SHROOM2: variants seen among roughly 807,000 people sequenced by gnomAD.
The protein encoded by SHROOM2 is protein Shroom2.
SHROOM2 carries 33 observed loss-of-function variants against 75.9 expected under a neutral mutation model. The observed-to-expected ratio is 0.43, with a 90% CI of 0.33 to 0.58. The LOEUF (loss-of-function observed/expected upper bound fraction) is 0.58, where lower values mean the gene tolerates loss of function less well. SHROOM2 is among the 20% of genes least tolerant of loss of function. SHROOM2 has a pLI of 0.04. For missense variants in SHROOM2, 1,434 were observed against 1,461.2 expected, an observed-to-expected ratio of 0.98 and a Z score of 0.30; for synonymous variants, 655 against 663.6, an observed-to-expected ratio of 0.99 and a Z score of 0.20.
intron 1 of SHROOM2, among the ~76,000 whole-genome samples, chrX:9,809,168 A>G (rs2083777391): frequency 9.1e-6 from 1 of 109,983 alleles, no homozygotes; most frequent in African/African-American, 3.3e-5. Context: ...GTATTAACTC[A>G]CATGATCACA....
At position 9,944,693 on chromosome X, in the gene SHROOM2, G is replaced by T. The variant is rs1217759175; in HGVS notation, c.4364G>T (p.Arg1455Leu). 1 of 1,209,435 alleles carries T rather than the reference G, an allele frequency of 8.3e-7. No individual in the cohort carries two copies. The part of the protein sequence containing the change: ...SRKLQVLREA[R>L]ESLLEDVQAN... ...AAGCTGCAGGTGCTCCGGGAGGCCC[G>T]CGAGAGCCTGCTGGAGGACGTGCAG... Residue 1455 changes from arginine (R) to leucine (L), a missense_variant, in exon 9 of 10, where the codon CGC becomes CTC. Around this residue, in one of 3 missense-constraint regions of SHROOM2, gnomAD observed 1,340 missense variants for 1,338.3 expected, o/e 1.00. Transcript: ENST00000380913.
rs1379029138 is a variant in SHROOM2, at chrX:9,949,071, G to A, written c.*2134G>A. ...TTCTACACAGCAATACGTCGTGCTCGAGTATCCTTGTAGCAAAGCACATAG... is the reference window on the plus strand; with the variant it reads ...TTCTACACAGCAATACGTCGTGCTCAAGTATCCTTGTAGCAAAGCACATAG... On this transcript the variant is annotated 3_prime_UTR_variant, in exon 10 of 10. Coordinates refer to ENST00000380913, the MANE Select transcript of SHROOM2 (RefSeq NM_001649.4). The A allele has an allele frequency of 4.7e-6, 1 of 211,755 alleles. No individual in the cohort carries two copies. Among genetic ancestry groups the A allele is most frequent in the Non-Finnish European group, 9.1e-6 (1 of 110,214 alleles). 17.5% of individuals were successfully genotyped at this position (211,755 alleles called of 1,213,427 possible).
chrX:9,800,025 C>T (rs949450738), intron 1 of SHROOM2, among the ~76,000 whole-genome samples: 13 of 111,240 alleles, frequency 1.2e-4, no homozygotes, highest in Non-Finnish European at 1.9e-4. Flanking sequence ...TCCCTGATGC[C>T]TTCCTCCCCT....
Position 9,808,407 on chromosome X carries a change from T to C in SHROOM2, c.165+21697T>C, listed in dbSNP as rs755207010. On this transcript the variant is annotated intron_variant, in intron 1 of 9. Transcript: ENST00000380913. ...AAAAAAAAAAAAAAAATTAGCCAGG[T>C]GTGGTGGTGCACACCTATAGTCCCA... Among the ~76,000 whole-genome samples the C allele has an allele frequency of 9.7e-4, 99 of 101,704 alleles. 1 individual carries two copies. The highest frequency in any genetic ancestry group is 3.4e-3 in the African/African-American group (94 of 27,848). The allele number at this position is 101,704 out of a possible 115,157, so 88.3% of individuals were successfully genotyped here.
At chrX:9,847,479 G>A (rs184643169) in intron 1 of SHROOM2, among the ~76,000 whole-genome samples, 27 of 111,977 alleles carry the variant, frequency 2.4e-4, no homozygotes, top group Admixed American at 2.4e-3. Flanking sequence ...TATCAGCTCC[G>A]ACGAATGTAA....
At chrX:9,855,744 G>A (rs1483510536) in intron 1 of SHROOM2, among the ~76,000 whole-genome samples, 1 of 111,759 alleles carries the variant, frequency 8.9e-6, no homozygotes, top group Non-Finnish European at 1.9e-5. Flanking sequence ...ACCATCGGGT[G>A]TGTCAGCCGC....
intron 1 of SHROOM2, among the ~76,000 whole-genome samples, chrX:9,863,974 G>A (rs752022982): frequency 2.0e-3 from 218 of 111,321 alleles, no homozygotes; most frequent in Non-Finnish European, 2.7e-3. Context: ...CCTTCTAGCT[G>A]AAAACTTGGA....
intron 1 of SHROOM2, among the ~76,000 whole-genome samples, chrX:9,833,028 G>A (rs1222324572): frequency 1.8e-5 from 2 of 110,673 alleles, no homozygotes; most frequent in Non-Finnish European, 3.8e-5. Flanking sequence ...CCGGCACAAT[G>A]GAAAGTGCTT....
chrX:9,836,183 G>A (rs1383608206), intron 1 of SHROOM2, among the ~76,000 whole-genome samples: 1 of 112,047 alleles, frequency 8.9e-6, no homozygotes, highest in Non-Finnish European at 1.9e-5. Flanking sequence ...AGTGGGGAGT[G>A]GAAAGGCCCA....
intron 1 of SHROOM2, among the ~76,000 whole-genome samples, chrX:9,806,287 G>T (rs2083751401): frequency 1.8e-5 from 2 of 110,492 alleles, no homozygotes; most frequent in Admixed American, 2.0e-4. Context: ...CATCGCTGGG[G>T]CCCATGAACA....
intron 1 of SHROOM2, among the ~76,000 whole-genome samples, chrX:9,868,343 T>C (rs2084152253): frequency 9.2e-6 from 1 of 109,192 alleles, no homozygotes; most frequent in African/African-American, 3.3e-5. Flanking sequence ...CCTTCCGGGT[T>C]CAAGCGACTC....
chrX:9,817,732 A>G lies in SHROOM2; in HGVS notation c.165+31022A>G, dbSNP rs146338145. Among the ~76,000 whole-genome samples, 321 of 112,352 alleles carry G rather than the reference A, an allele frequency of 2.9e-3. 1 individual carries two copies. The highest frequency in any genetic ancestry group is 0.01 in the African/African-American group (314 of 30,961). On this transcript the variant is annotated intron_variant, in intron 1 of 9. Transcript: ENST00000380913. ...ATTGGAGGGACTAGAGATAAAACTT[A>G]TGTAGTACTATTTCTTAATGGGCTG...
intron 5 of SHROOM2, among the ~76,000 whole-genome samples, chrX:9,903,511 G>T (rs1049135280): frequency 8.9e-6 from 1 of 111,779 alleles, no homozygotes; most frequent in African/African-American, 3.3e-5. Flanking sequence ...GAGAGCCTGC[G>T]GCATGGGTCT....
intron 6 of SHROOM2, among the ~76,000 whole-genome samples, chrX:9,934,245 A>C (rs1484638094): frequency 8.9e-6 from 1 of 111,955 alleles, no homozygotes; most frequent in Non-Finnish European, 1.9e-5. Context: ...CCTGGACAGG[A>C]CAGATAACAG....
chrX:9,891,032 A>AGCCACCCCGAGCTAGCG lies in SHROOM2; in HGVS notation c.377_393dup (p.Ser132ThrfsTer4), dbSNP rs2084288529. 34 of 1,202,850 alleles carry AGCCACCCCGAGCTAGCG rather than the reference A, an allele frequency of 2.8e-5. No individual in the cohort carries two copies. Among genetic ancestry groups the AGCCACCCCGAGCTAGCG allele is most frequent in the Non-Finnish European group, 3.8e-5 (34 of 891,030 alleles). On this transcript the variant is annotated frameshift_variant, in exon 3 of 10. Transcript: ENST00000380913. LOFTEE classifies it high-confidence loss of function. ...CTGGCATGCCACCAAGTTCTCTGAC[A>AGCCACCCCGAGCTAGCG]GCCACCCCGAGCTAGCGGCCTCCCC...
Position 9,900,169 on chromosome X carries a change from T to C in SHROOM2, c.2891+1879T>C, listed in dbSNP as rs150219361. Among the ~76,000 whole-genome samples, 846 of 111,016 alleles carry C rather than the reference T, an allele frequency of 7.6e-3. 7 individuals carry two copies. Among genetic ancestry groups the C allele is most frequent in the African/African-American group, 0.027 (816 of 30,489 alleles). On this transcript the variant is annotated intron_variant, in intron 5 of 9. Transcript: ENST00000380913. ...TTCCAGAAACTCTCTGCTTTTGAGC[T>C]ACCAACCCAGCAATTTTCAGAATTG... is the stretch of plus-strand genomic sequence containing the variant.
intron 2 of SHROOM2, among the ~76,000 whole-genome samples, chrX:9,889,497 G>T (rs1284933421): frequency 8.9e-6 from 1 of 111,891 alleles, no homozygotes; most frequent in Non-Finnish European, 1.9e-5. Context: ...GGCTGGAGAA[G>T]TGAGCTCGGG....
rs201799518 is a variant in SHROOM2, at chrX:9,817,090, GC to G, written c.165+30382del. ...GGGCTCAAGTGATCCTCCTACCTCA[GC>G]CTCCTGAGTAGGTGGGACTACAGGC... On this transcript the variant is annotated intron_variant, in intron 1 of 9. Transcript: ENST00000380913. Among the ~76,000 whole-genome samples the G allele has an allele frequency of 8.3e-3, 912 of 110,320 alleles. 1 individual carries two copies. Among genetic ancestry groups the G allele is most frequent in the African/African-American group, 0.028 (833 of 30,283 alleles).
At chrX:9,937,070 C>T in intron 6 of SHROOM2, 64 bp from the exon 7 acceptor site, 1 of 1,062,323 alleles carries the variant, frequency 9.4e-7, no homozygotes. Flanking sequence ...GGGCAGGGGA[C>T]ACGTCAATCA....
Sources: gnomAD v4.1 joint callset for allele counts (sites outside exome capture counted in the v4.1 genomes callset) on GRCh38, gnomAD v4.1.1 for gene constraint, gnomAD v4.1.1 regional missense constraint, MANE v1.5 for transcripts, NCBI Gene and HGNC (gene_info 2026-07-23, HGNC 2026-07-21) for gene names.